The following EPHA5 variants were observed in gnomAD, a reference collection of about 807,000 sequenced individuals.
The protein encoded by EPHA5 is EPH receptor A5.
In EPHA5, 60 loss-of-function variants were observed where a neutral mutation model predicts 105.0. The ratio of observed to expected loss-of-function variants is 0.57; its 90% confidence interval spans 0.46 to 0.71. EPHA5 has a LOEUF of 0.71. Among genes scored for constraint, EPHA5 ranks in the 30% least tolerant of loss-of-function variants. EPHA5 has a pLI of 0.00. For missense variants in EPHA5, 1,218 were observed against 1,274.7 expected (o/e 0.96, Z 0.68); for synonymous variants, 513 against 449.1 (o/e 1.14, Z -1.80).
chr4:65,586,693 G>A (rs1467713010), intron 3 of EPHA5, among the ~76,000 whole-genome samples: 1 of 151,590 alleles, frequency 6.6e-6, no homozygotes, highest in Non-Finnish European at 1.5e-5. Flanking sequence ...TAACAAAGCT[G>A]TATTTGAAGC....
intron 3 of EPHA5, among the ~76,000 whole-genome samples, chr4:65,504,091 G>T (rs908856754): frequency 6.6e-6 from 1 of 150,940 alleles, no homozygotes; most frequent in African/African-American, 2.4e-5. Context: ...AATTGATTAG[G>T]ATTATCAATT....
At chr4:65,470,418 C>T (rs1329456316) in intron 5 of EPHA5, among the ~76,000 whole-genome samples, 1 of 152,110 alleles carries the variant, frequency 6.6e-6, no homozygotes, top group Admixed American at 6.5e-5. Flanking sequence ...TCTGAAACTC[C>T]TGGCCTCAAG....
chr4:65,657,511 G>A lies in EPHA5; in HGVS notation c.181+12051C>T, dbSNP rs1015206229. Among the ~76,000 whole-genome samples, 11 of 152,104 alleles carry A rather than the reference G, an allele frequency of 7.2e-5. 1 individual carries two copies. The highest frequency in any genetic ancestry group is 5.2e-4 in the Admixed American group (8 of 15,254). ...GAACTTTCTTCTCATTATACGTCTA[G>A]CAAATCTAAAATACAGTATTCTACT... is the stretch of plus-strand genomic sequence containing the variant. On this transcript the variant is annotated intron_variant, in intron 1 of 16. Coordinates refer to ENST00000613740, the MANE Select transcript of EPHA5 (RefSeq NM_001281766.3).
At chr4:65,633,369 A>G (rs752820656) in intron 2 of EPHA5, among the ~76,000 whole-genome samples, 2 of 95,066 alleles carry the variant, frequency 2.1e-5, no homozygotes, top group Admixed American at 9.1e-5. Flanking sequence ...GGATGATAGG[A>G]AAAAAAAGAT....
chr4:65,523,317 A>T (rs1275877880), intron 3 of EPHA5, among the ~76,000 whole-genome samples: 2 of 151,888 alleles, frequency 1.3e-5, no homozygotes, highest in Non-Finnish European at 2.9e-5. Flanking sequence ...TCTAATGCTG[A>T]CTTGGTGCTT....
chr4:65,513,356 T>C (rs1733801156), intron 3 of EPHA5, among the ~76,000 whole-genome samples: 1 of 152,096 alleles, frequency 6.6e-6, no homozygotes, highest in Admixed American at 6.6e-5. Context: ...TATAGTGTAG[T>C]ATTTCAAAAG....
chr4:65,342,740 A>G (rs898921426), intron 14 of EPHA5, among the ~76,000 whole-genome samples: 1 of 151,832 alleles, frequency 6.6e-6, no homozygotes, highest in Non-Finnish European at 1.5e-5. Context: ...TATATGAGCA[A>G]TATACATACA....
At chr4:65,541,711 G>C (rs1243854434) in intron 3 of EPHA5, among the ~76,000 whole-genome samples, 1 of 151,838 alleles carries the variant, frequency 6.6e-6, no homozygotes, top group African/African-American at 2.4e-5. Flanking sequence ...CAATTAACAA[G>C]GATATTCAGG....
intron 11 of EPHA5, among the ~76,000 whole-genome samples, chr4:65,357,360 C>T (rs1236741503): frequency 6.6e-6 from 1 of 151,356 alleles, no homozygotes; most frequent in Non-Finnish European, 1.5e-5. Context: ...TCCTTTCTCC[C>T]ATACTGAGAT....
intron 3 of EPHA5, among the ~76,000 whole-genome samples, chr4:65,564,292 C>T (rs1179471831): frequency 1.3e-5 from 2 of 151,854 alleles, no homozygotes; most frequent in African/African-American, 4.8e-5. Flanking sequence ...GACTAAAATA[C>T]TACAACCATA....
At chr4:65,653,286 C>T (rs1370713719) in intron 1 of EPHA5, among the ~76,000 whole-genome samples, 1 of 151,956 alleles carries the variant, frequency 6.6e-6, no homozygotes, top group Non-Finnish European at 1.5e-5. Context: ...AGAAGTGACC[C>T]AAATTTTTGC....
rs72642686 is a variant in EPHA5, at chr4:65,656,312, A to G, written c.182-12885T>C. Among the ~76,000 whole-genome samples, 142 of 151,610 alleles carry G rather than the reference A, an allele frequency of 9.4e-4. 1 individual carries two copies. The highest frequency in any genetic ancestry group is 1.7e-3 in the Non-Finnish European group (114 of 67,884). On this transcript the variant is annotated intron_variant, in intron 1 of 16. Transcript: ENST00000613740. Reference sequence around the variant, plus strand: ...CTCAAACCCCAGAGTTGGAAAAAAAAAATGTCAGTTACCTGATGAACTGAC... The same window carrying G: ...CTCAAACCCCAGAGTTGGAAAAAAAGAATGTCAGTTACCTGATGAACTGAC...
intron 8 of EPHA5, among the ~76,000 whole-genome samples, chr4:65,397,597 T>C (rs576133614): frequency 7.0e-6 from 1 of 142,660 alleles, no homozygotes; most frequent in Non-Finnish European, 1.6e-5. Flanking sequence ...ATAGTCTACG[T>C]TTTAGATTTC....
chr4:65,574,781 T>A (rs1274261203), intron 3 of EPHA5, among the ~76,000 whole-genome samples: 2 of 146,222 alleles, frequency 1.4e-5, no homozygotes, highest in African/African-American at 5.0e-5. Flanking sequence ...CTCAGAGTAT[T>A]GAATACTATG....
In EPHA5 at chr4:65,543,559, C is replaced by T. The variant is rs372898344; in HGVS notation, c.911-48016G>A. 3.6e-4 allele frequency among the ~76,000 whole-genome samples: 54 copies of T among 151,966 alleles called. 1 individual carries two copies. The South Asian group carries it at 0.011, about 32-fold the overall frequency. On this transcript the variant is annotated intron_variant, in intron 3 of 16. Coordinates refer to ENST00000613740, the MANE Select transcript of EPHA5 (RefSeq NM_001281766.3). ...TCAAGGGAAACTACAAACCATTGCT[C>T]GAGAAAATAAGAAAGGACACAAACA...
chr4:65,397,675 T>C (rs1721379544), intron 8 of EPHA5, among the ~76,000 whole-genome samples: 1 of 151,922 alleles, frequency 6.6e-6, no homozygotes, highest in Non-Finnish European at 1.5e-5. Context: ...ACACTTAACC[T>C]CCTTGTAAAA....
At chr4:65,558,016 A>T (rs1293504256) in intron 3 of EPHA5, among the ~76,000 whole-genome samples, 1 of 151,928 alleles carries the variant, frequency 6.6e-6, no homozygotes, top group African/African-American at 2.4e-5. Context: ...AGCTGGGATT[A>T]CAGGTGGGTG....
intron 3 of EPHA5, among the ~76,000 whole-genome samples, chr4:65,584,524 A>G (rs923973997): frequency 6.6e-6 from 1 of 151,882 alleles, no homozygotes; most frequent in Non-Finnish European, 1.5e-5. Context: ...TAAACATATC[A>G]ACTTTTCCTT....
chr4:65,375,540 C>T (rs1434850347), intron 8 of EPHA5, among the ~76,000 whole-genome samples: 1 of 151,772 alleles, frequency 6.6e-6, no homozygotes, highest in African/African-American at 2.4e-5. Context: ...TTCAATCTGG[C>T]CAAAGCTAGC....
Sources: allele counts gnomAD v4.1 joint callset (sites outside exome capture counted in the v4.1 genomes callset), GRCh38; gene constraint gnomAD v4.1.1; transcripts MANE v1.5; gene names NCBI Gene and HGNC (gene_info 2026-07-23, HGNC 2026-07-21).